SGK1: variants seen among roughly 807,000 people sequenced by gnomAD.
SGK1 encodes the protein serum/glucocorticoid regulated kinase 1, also known as serine/threonine-protein kinase Sgk1.
A neutral mutation model predicts 64.2 loss-of-function variants in SGK1; 26 were observed. The observed-to-expected ratio is 0.40, with a 90% CI of 0.30 to 0.56. The LOEUF (loss-of-function observed/expected upper bound fraction) is 0.56, where lower values mean the gene tolerates loss of function less well. SGK1 is among the 20% of genes least tolerant of loss of function. The pLI is 0.38. For synonymous variants in SGK1, 265 were observed against 239.7 expected (o/e 1.11, Z -0.98); for missense variants, 519 against 645.6 (o/e 0.80, Z 2.12).
At chr6:134,264,877 G>T (rs906423573) in intron 1 of SGK1, among the ~76,000 whole-genome samples, 4 of 152,024 alleles carry the variant, frequency 2.6e-5, no homozygotes, top group African/African-American at 9.7e-5. Flanking sequence ...TAAACTCCTG[G>T]CCTTAGGCGA....
intron 1 of SGK1, among the ~76,000 whole-genome samples, chr6:134,278,832 C>T (rs935447820): frequency 2.0e-5 from 3 of 151,400 alleles, no homozygotes; most frequent in Non-Finnish European, 2.9e-5. Context: ...TTAAAAAAGG[C>T]TCAGTTTTCA....
intron 1 of SGK1, among the ~76,000 whole-genome samples, chr6:134,311,187 A>T (rs920725040): frequency 6.6e-6 from 1 of 152,248 alleles, no homozygotes; most frequent in Non-Finnish European, 1.5e-5. Flanking sequence ...CTGAGCCACC[A>T]AAGCCTGTTT....
At chr6:134,208,829 TATGTATGTGTGTATGCATACGCATAC>T (rs1452332667) in intron 2 of SGK1, among the ~76,000 whole-genome samples, 13 of 149,606 alleles carry the variant, frequency 8.7e-5, no homozygotes, top group East Asian at 5.8e-4. Context: ...CATGTATATA[TATGTATGTGTGTATGCATACGCATAC>T]ATGTATGTGT....
chr6:134,188,625 A>G (rs1475725107), intron 3 of SGK1, among the ~76,000 whole-genome samples: 3 of 152,202 alleles, frequency 2.0e-5, no homozygotes, highest in Non-Finnish European at 4.4e-5. Flanking sequence ...ACATGAAAAC[A>G]ATAATCCACC....
Position 134,268,946 on chromosome 6 carries a change from G to GAA in SGK1, c.70-6800_70-6799dup, listed in dbSNP as rs60194315. 3.8e-4 allele frequency among the ~76,000 whole-genome samples: 39 copies of GAA among 103,650 alleles called. 1 individual carries two copies. Among genetic ancestry groups the GAA allele is most frequent in the East Asian group, 1.9e-3 (5 of 2,638 alleles). 68.0% of individuals were successfully genotyped at this position (103,650 alleles called of 152,430 possible). Reference sequence around the variant, plus strand: ...TTGGTTTTATTAATGTCTTTACTTGGAAAAAAAAAAAAAAAAAGCCATCCA... The same window carrying GAA: ...TTGGTTTTATTAATGTCTTTACTTGGAAAAAAAAAAAAAAAAAAAGCCATCCA... On this transcript the variant is annotated intron_variant, in intron 1 of 13. Coordinates refer to ENST00000367858, the MANE Select transcript of SGK1 (RefSeq NM_001143676.3).
At chr6:134,224,441 T>G (rs1776137651) in intron 2 of SGK1, among the ~76,000 whole-genome samples, 1 of 152,222 alleles carries the variant, frequency 6.6e-6, no homozygotes, top group African/African-American at 2.4e-5. Context: ...TCTTAACTTC[T>G]GGGAAGTTAA....
At chr6:134,197,888 AAATAAAATAAAATATAAAAT>A (rs1350146211) in intron 3 of SGK1, among the ~76,000 whole-genome samples, 1 of 92,240 alleles carries the variant, frequency 1.1e-5, no homozygotes, top group Non-Finnish European at 2.6e-5. Flanking sequence ...ATATAAAATA[AAATAAAATAAAATATAAAAT>A]AAAATAAAAT....
At chr6:134,302,137 T>C (rs1582774569) in intron 1 of SGK1, among the ~76,000 whole-genome samples, 1 of 152,226 alleles carries the variant, frequency 6.6e-6, no homozygotes, top group South Asian at 2.1e-4. Context: ...TAAGTCTTTA[T>C]GTAAGACAGA....
intron 1 of SGK1, among the ~76,000 whole-genome samples, chr6:134,275,605 T>C (rs1777007045): frequency 6.6e-6 from 1 of 152,172 alleles, no homozygotes; most frequent in African/African-American, 2.4e-5. Context: ...CTGATTGCAA[T>C]CTATTGAACT....
chr6:134,292,925 C>G (rs988485876), intron 1 of SGK1, among the ~76,000 whole-genome samples: 3 of 152,110 alleles, frequency 2.0e-5, no homozygotes, highest in African/African-American at 7.2e-5. Context: ...TAAAAAAAGA[C>G]AAAAGAGGGA....
intron 3 of SGK1, among the ~76,000 whole-genome samples, chr6:134,197,962 G>T (rs1179560198): frequency 6.6e-6 from 1 of 151,500 alleles, no homozygotes. Context: ...TTAACAGGGG[G>T]ACCAAATTTA....
intron 1 of SGK1, among the ~76,000 whole-genome samples, chr6:134,264,061 A>G (rs1025778749): frequency 2.0e-5 from 3 of 152,140 alleles, no homozygotes; most frequent in Non-Finnish European, 4.4e-5. Context: ...GTTATGGAGT[A>G]AAGGCGGGAT....
intron 3 of SGK1, among the ~76,000 whole-genome samples, chr6:134,183,180 A>G (rs949960916): frequency 1.3e-5 from 2 of 152,208 alleles, no homozygotes; most frequent in African/African-American, 4.8e-5. Flanking sequence ...TATTGTATTG[A>G]TATAAGTTGA....
intron 5 of SGK1, 143 bp downstream of exon 5, chr6:134,173,861 TA>T: frequency 1.5e-6 from 1 of 659,850 alleles, no homozygotes; most frequent in Admixed American, 2.9e-5. Context: ...AATACTTAAA[TA>T]TTTATATCAC....
chr6:134,190,287 C>CA (rs1554219633), intron 3 of SGK1, among the ~76,000 whole-genome samples: 1 of 135,564 alleles, frequency 7.4e-6, no homozygotes, highest in Non-Finnish European at 1.6e-5. Context: ...TCCTTCCTTC[C>CA]TTTTTTTTTT....
intron 2 of SGK1, among the ~76,000 whole-genome samples, chr6:134,244,727 G>A (rs144250039): frequency 6.3e-4 from 96 of 152,330 alleles, no homozygotes; most frequent in African/African-American, 2.1e-3. Context: ...CATTGGTCTT[G>A]CTGGGAGCTG....
At chr6:134,311,556 C>A (rs760765850) in intron 1 of SGK1, among the ~76,000 whole-genome samples, 2 of 152,096 alleles carry the variant, frequency 1.3e-5, no homozygotes, top group Admixed American at 1.3e-4. Flanking sequence ...GAGGCTGAGG[C>A]AGGAGAATTG....
chr6:134,294,358 C>T (rs1183866523), intron 1 of SGK1, among the ~76,000 whole-genome samples: 2 of 152,108 alleles, frequency 1.3e-5, no homozygotes, highest in Non-Finnish European at 2.9e-5. Flanking sequence ...TTCATCTTCC[C>T]AAACTGAAGC....
intron 2 of SGK1, among the ~76,000 whole-genome samples, chr6:134,234,595 G>A (rs1177213726): frequency 6.6e-6 from 1 of 151,982 alleles, no homozygotes; most frequent in East Asian, 1.9e-4. Flanking sequence ...ACTAATTGGA[G>A]GGCCGGGTGT....
Sources: gnomAD v4.1 joint callset for allele counts (sites outside exome capture counted in the v4.1 genomes callset) on GRCh38, gnomAD v4.1.1 for gene constraint, MANE v1.5 for transcripts, NCBI Gene and HGNC (gene_info 2026-07-23, HGNC 2026-07-21) for gene names.